The following FXR1 variants were observed in gnomAD, a reference collection of about 807,000 sequenced individuals.
FXR1 encodes the protein RNA-binding protein FXR1.
A neutral mutation model predicts 84.0 loss-of-function variants in FXR1; 15 were observed. That is an observed-to-expected ratio of 0.18 (90% CI 0.12 to 0.27). The LOEUF is 0.27. Ranked by LOEUF, FXR1 falls within the 10% of genes least tolerant of loss-of-function variation. The pLI, the probability that FXR1 is intolerant of heterozygous loss-of-function variation, is 1.00. For synonymous variants in FXR1, 245 were observed against 250.7 expected, an observed-to-expected ratio of 0.98 and a Z score of 0.21; for missense variants, 480 against 774.4, an observed-to-expected ratio of 0.62 and a Z score of 4.51.
intron 13 of FXR1, among the ~76,000 whole-genome samples, 178 bp from the exon 14 acceptor site, chr3:180,967,873 G>A (rs1342709367): frequency 6.6e-6 from 1 of 152,020 alleles, no homozygotes; most frequent in Non-Finnish European, 1.5e-5. Context: ...TATATTAATA[G>A]TATAATAATT....
intron 1 of FXR1, among the ~76,000 whole-genome samples, chr3:180,926,478 G>GTATATATATATA (rs34325096): frequency 3.6e-4 from 27 of 75,376 alleles, no homozygotes; most frequent in Non-Finnish European, 4.5e-4. Context: ...GGATTGTACT[G>GTATATATATATA]TATATATATA....
chr3:180,921,791 C>T (rs1718625066), intron 1 of FXR1, among the ~76,000 whole-genome samples: 1 of 151,438 alleles, frequency 6.6e-6, no homozygotes, highest in Non-Finnish European at 1.5e-5. Flanking sequence ...TATAATTTTA[C>T]ACACACGTAA....
intron 1 of FXR1, 97 bp from the exon 2 acceptor site, chr3:180,933,237 C>T: frequency 1.4e-6 from 1 of 713,682 alleles, no homozygotes; most frequent in Non-Finnish European, 2.5e-6. Flanking sequence ...ACCTTGTGTT[C>T]TTTTAGTACT....
intron 9 of FXR1, among the ~76,000 whole-genome samples, chr3:180,957,031 A>C (rs1427663190): frequency 6.6e-6 from 1 of 152,222 alleles, no homozygotes; most frequent in Non-Finnish European, 1.5e-5. Flanking sequence ...AGGTTACTTA[A>C]TAGTACTTGT....
intron 3 of FXR1, among the ~76,000 whole-genome samples, chr3:180,945,021 C>G (rs1310807399): frequency 6.6e-6 from 1 of 152,232 alleles, no homozygotes; most frequent in Non-Finnish European, 1.5e-5. Flanking sequence ...GAATGCAGTT[C>G]TCTAAATGTA....
chr3:180,975,681 T>C (rs1021645575), intron 16 of FXR1, among the ~76,000 whole-genome samples: 3 of 152,216 alleles, frequency 2.0e-5, no homozygotes, highest in Non-Finnish European at 4.4e-5. Context: ...TCAGGAGCAA[T>C]AGGCTATATA....
intron 3 of FXR1, among the ~76,000 whole-genome samples, chr3:180,946,542 AG>A (rs1721711943): frequency 6.6e-6 from 1 of 152,236 alleles, no homozygotes; most frequent in Admixed American, 6.5e-5. Flanking sequence ...TTGAATAGTT[AG>A]ATCTGTTTAT....
intron 3 of FXR1, among the ~76,000 whole-genome samples, chr3:180,939,460 A>G (rs1720889916): frequency 6.6e-6 from 1 of 152,222 alleles, no homozygotes. Flanking sequence ...AAAGGATACA[A>G]GTCAGGAACT....
At chr3:180,965,055 T>C (rs1712641026) in intron 13 of FXR1, among the ~76,000 whole-genome samples, 3 of 152,050 alleles carry the variant, frequency 2.0e-5, no homozygotes, top group Non-Finnish European at 4.4e-5. Flanking sequence ...TCGCTCTTGT[T>C]GCCCAGGCTG....
chr3:180,951,159 T>C (rs1576962319), intron 7 of FXR1, 139 bp from the exon 8 acceptor site: 4 of 588,208 alleles, frequency 6.8e-6, no homozygotes, highest in African/African-American at 3.7e-5. Flanking sequence ...GGAGATTGAG[T>C]TGGCAGTGAG....
rs781325231 is a variant in FXR1 at position 180,975,381 on chromosome 3, T to C, written c.1672T>C (p.Leu558=). ...SRQRNLPRET[L]AKNKKEMAKD... ...ACAAAGAAACCTCCCAAGGGAAACT[T>C]TGGCTAAAAACAAGAAAGAAATGGT... The change falls in exon 16 of 17, where the codon TTG becomes CTG. Residue 558 remains leucine, a synonymous_variant. Transcript: ENST00000357559. 5.3e-6 allele frequency: 8 copies of C among 1,509,348 alleles called. No homozygotes were observed. In the South Asian group the frequency reaches 5.9e-5, roughly 11 times the overall value. The allele number at this position is 1,509,348 out of a possible 1,614,324, so 93.5% of individuals were successfully genotyped here.
intron 9 of FXR1, among the ~76,000 whole-genome samples, chr3:180,954,894 T>TTTG (rs1553775485): frequency 7.2e-6 from 1 of 138,354 alleles, no homozygotes; most frequent in African/African-American, 2.9e-5. Context: ...TTTTTTTTTT[T>TTTG]GGTCATTAGT....
At chr3:180,963,589 T>TA (rs1712421479) in intron 13 of FXR1, among the ~76,000 whole-genome samples, 1 of 152,214 alleles carries the variant, frequency 6.6e-6, no homozygotes, top group Admixed American at 6.5e-5. Flanking sequence ...TATTTGAATA[T>TA]ATTAACATCT....
At position 180,933,085 on chromosome 3, in the gene FXR1, G is replaced by A. The variant is rs143569383; in HGVS notation, c.52-249G>A. The A allele has an allele frequency of 6.7e-3, 2,956 of 440,208 alleles. 13 individuals are homozygous for A. Among genetic ancestry groups the A allele is most frequent in the Non-Finnish European group, 8.6e-3 (2,138 of 249,398 alleles). The allele number at this position is 440,208 out of a possible 1,614,324, so 27.3% of individuals were successfully genotyped here. On this transcript the variant is annotated intron_variant, in intron 1 of 16. Coordinates refer to ENST00000357559, the MANE Select transcript of FXR1 (RefSeq NM_005087.4). The stretch of plus-strand genomic sequence containing the variant: ...CTGAACTAATACCTGAGGTGTTCCA[G>A]GGATGTACATTTACTTTTGCTAATT...
At chr3:180,936,683 G>A (rs1720564040) in intron 3 of FXR1, among the ~76,000 whole-genome samples, 1 of 152,172 alleles carries the variant, frequency 6.6e-6, no homozygotes, top group South Asian at 2.1e-4. Flanking sequence ...ACCCACTTTG[G>A]TGGAAGTCAA....
chr3:180,918,769 C>T (rs1314949858), intron 1 of FXR1, among the ~76,000 whole-genome samples: 1 of 152,156 alleles, frequency 6.6e-6, no homozygotes, highest in African/African-American at 2.4e-5. Flanking sequence ...TCCCATCTAC[C>T]TCTAGCAACT....
intron 3 of FXR1, among the ~76,000 whole-genome samples, chr3:180,940,870 G>A (rs1000409648): frequency 6.6e-5 from 10 of 152,014 alleles, no homozygotes; most frequent in African/African-American, 2.4e-4. Context: ...GCCACCACGC[G>A]CAGCCCTGAT....
At position 180,932,693 on chromosome 3, in the gene FXR1, T is replaced by C. The variant is rs533656417; in HGVS notation, c.52-641T>C. On this transcript the variant is annotated intron_variant, in intron 1 of 16. Transcript: ENST00000357559. ...AACAGTGTACTCACTATAGCCCAATTTTCTTTTAAGGGAAGGGAAAGAGAA... is the reference window on the plus strand; with the variant it reads ...AACAGTGTACTCACTATAGCCCAATCTTCTTTTAAGGGAAGGGAAAGAGAA... 3.3e-5 allele frequency among the ~76,000 whole-genome samples: 5 copies of C among 152,296 alleles called. No homozygotes were observed. The East Asian group carries it at 7.7e-4, about 23-fold the overall frequency.
At position 180,921,451 on chromosome 3, in the gene FXR1, G is replaced by T. The variant is rs781185131; in HGVS notation, c.51+8715G>T. Among the ~76,000 whole-genome samples the T allele has an allele frequency of 4.9e-4, 74 of 151,870 alleles. 1 individual carries two copies. The highest frequency in any genetic ancestry group is 9.0e-4 in the Non-Finnish European group (61 of 67,992). On this transcript the variant is annotated intron_variant, in intron 1 of 16. Transcript: ENST00000357559. Reference sequence around the variant, plus strand: ...AAATTTGCAGACTTTTTGAATTTGTGGAACAAGTATCTAGTGATTTGGAAT... The same window carrying T: ...AAATTTGCAGACTTTTTGAATTTGTTGAACAAGTATCTAGTGATTTGGAAT...
Sources: gnomAD v4.1 joint callset for allele counts (sites outside exome capture counted in the v4.1 genomes callset) on GRCh38, gnomAD v4.1.1 for gene constraint, MANE v1.5 for transcripts, NCBI Gene and HGNC (gene_info 2026-07-23, HGNC 2026-07-21) for gene names.